PLLP: variants seen among roughly 807,000 people sequenced by gnomAD.
PLLP encodes the protein plasmolipin, also known as plasma membrane proteolipid (plasmolipin).
Under a neutral mutation model 19.7 loss-of-function variants are expected in PLLP, and 15 were observed. That is an observed-to-expected ratio of 0.76 (90% CI 0.51 to 1.17). The LOEUF (loss-of-function observed/expected upper bound fraction) is 1.17, where lower values mean the gene tolerates loss of function less well. PLLP is among the 50% of genes most tolerant of loss of function. PLLP has a pLI of 0.00. For missense variants in PLLP, 255 were observed against 258.3 expected (o/e 0.99, Z 0.09); for synonymous variants, 111 against 116.3 (o/e 0.95, Z 0.29).
intron 2 of PLLP, among the ~76,000 whole-genome samples, chr16:57,259,814 TA>T (rs1474451015): frequency 6.6e-6 from 1 of 151,474 alleles, no homozygotes; most frequent in African/African-American, 2.4e-5. Flanking sequence ...TCGTCTCCAA[TA>T]AAAATACAAA....
chr16:57,259,959 A>C (rs2075437009), intron 2 of PLLP, among the ~76,000 whole-genome samples: 1 of 151,738 alleles, frequency 6.6e-6, no homozygotes, highest in Admixed American at 6.6e-5. Context: ...CCTGGGCAAC[A>C]GAGCGGGACT....
intron 1 of PLLP, among the ~76,000 whole-genome samples, chr16:57,275,720 C>T (rs1438190119): frequency 3.5e-5 from 5 of 143,220 alleles, no homozygotes; most frequent in African/African-American, 1.0e-4. Flanking sequence ...GAAATATTTG[C>T]AAATAATCCA....
chr16:57,258,476 G>A lies in PLLP; in HGVS notation c.418C>T (p.Arg140Cys), dbSNP rs199955338. The A allele has an allele frequency of 1.5e-5, 24 of 1,611,492 alleles. No homozygotes were observed. The highest frequency in any genetic ancestry group is 8.3e-5 in the Admixed American group (5 of 59,986). ...SLRGTRPYNQ[R>C]AAASFFACLV... The stretch of plus-strand genomic sequence containing the variant: ...AGCAGACTCACCGAGGCAGCCGCGC[G>A]CTGGTTATAAGGCCGGGTGCCCCTC... The change falls in exon 3 of 4, where the codon CGC becomes TGC. Residue 140 changes from arginine (R) to cysteine (C), a missense_variant. Coordinates refer to ENST00000219207, the MANE Select transcript of PLLP (RefSeq NM_015993.3).
At chr16:57,276,063 G>A (rs1170388543) in intron 1 of PLLP, among the ~76,000 whole-genome samples, 4 of 151,918 alleles carry the variant, frequency 2.6e-5, no homozygotes, top group African/African-American at 4.8e-5. Flanking sequence ...ATTCCTGATC[G>A]TGCCACTCCA....
chr16:57,268,934 C>T (rs1206398912), intron 1 of PLLP, among the ~76,000 whole-genome samples: 1 of 152,210 alleles, frequency 6.6e-6, no homozygotes, highest in Non-Finnish European at 1.5e-5. Context: ...GAGAGAATGA[C>T]AGTATCCACA....
At chr16:57,282,210 CTCTT>C (rs1335861673) in intron 1 of PLLP, among the ~76,000 whole-genome samples, 3 of 145,036 alleles carry the variant, frequency 2.1e-5, no homozygotes, top group African/African-American at 7.8e-5. Flanking sequence ...TATTGCTAGT[CTCTT>C]TCTTTTTTCT....
chr16:57,277,843 G>T (rs1729244672), intron 1 of PLLP, among the ~76,000 whole-genome samples: 2 of 152,154 alleles, frequency 1.3e-5, no homozygotes, highest in South Asian at 4.1e-4. Context: ...GCAGCTGTGG[G>T]GCGTGGTCAG....
chr16:57,283,986 G>A (rs1429869413), intron 1 of PLLP, among the ~76,000 whole-genome samples: 4 of 152,146 alleles, frequency 2.6e-5, no homozygotes, highest in Non-Finnish European at 5.9e-5. Flanking sequence ...CTAGAGGGCT[G>A]GGGGCACTGT....
Position 57,284,614 on chromosome 16 carries a change from C to G in PLLP, c.-74G>C. On this transcript the variant is annotated 5_prime_UTR_variant, in exon 1 of 4. Coordinates refer to ENST00000219207, the MANE Select transcript of PLLP (RefSeq NM_015993.3). ...CTCCAGCGGTGGGTGCCGGCTCCCG[C>G]GCCGCTTTTCCCCCAGGCTCCGGAT... The G allele has an allele frequency of 7.9e-7, 1 of 1,259,328 alleles. No individual in the cohort carries two copies. 78.0% of individuals were successfully genotyped at this position (1,259,328 alleles called of 1,614,324 possible).
chr16:57,269,132 C>T (rs886827278), intron 1 of PLLP, among the ~76,000 whole-genome samples: 4 of 152,322 alleles, frequency 2.6e-5, no homozygotes, highest in Non-Finnish European at 5.9e-5. Flanking sequence ...GACCCCTTCA[C>T]CCCCTGGCAC....
chr16:57,259,899 C>G (rs555691242), intron 2 of PLLP, among the ~76,000 whole-genome samples: 69 of 151,726 alleles, frequency 4.5e-4, no homozygotes, highest in African/African-American at 1.6e-3. Flanking sequence ...ATCACTTGAA[C>G]CTGGGAGGCA....
At chr16:57,267,618 C>T (rs1333517977) in intron 1 of PLLP, among the ~76,000 whole-genome samples, 1 of 151,288 alleles carries the variant, frequency 6.6e-6, no homozygotes, top group Non-Finnish European at 1.5e-5. Flanking sequence ...TGGATCATAC[C>T]TGTAATCCCA....
chr16:57,279,875 C>T (rs1901198690), intron 1 of PLLP, among the ~76,000 whole-genome samples: 1 of 152,200 alleles, frequency 6.6e-6, no homozygotes, highest in South Asian at 2.1e-4. Context: ...TATTCACCTG[C>T]AAAGTGGGAA....
At chr16:57,258,394 A>C in intron 3 of PLLP, 68 bp downstream of exon 3, 2 of 1,546,554 alleles carry the variant, frequency 1.3e-6, no homozygotes, top group South Asian at 2.3e-5. Context: ...CCTCAGACCA[A>C]GCGAGCAGCC....
chr16:57,264,772 C>T (rs2075452095), intron 1 of PLLP, among the ~76,000 whole-genome samples: 2 of 152,188 alleles, frequency 1.3e-5, no homozygotes, highest in Admixed American at 1.3e-4. Flanking sequence ...TCGCTTGAAC[C>T]TGGGAGGTTG....
chr16:57,280,530 T>C (rs527260841), intron 1 of PLLP, among the ~76,000 whole-genome samples: 6 of 152,312 alleles, frequency 3.9e-5, no homozygotes, highest in African/African-American at 1.4e-4. Flanking sequence ...TAGATCAAAC[T>C]TGCCTGCCTT....
chr16:57,266,252 G>A (rs1016802734), intron 1 of PLLP, among the ~76,000 whole-genome samples: 34 of 152,068 alleles, frequency 2.2e-4, no homozygotes, highest in African/African-American at 5.8e-4. Flanking sequence ...CCAGATCAGC[G>A]AACACAGCGT....
rs1262311121 is a variant in PLLP at position 57,260,474 on chromosome 16, AC to A, written c.309+1422del. Among the ~76,000 whole-genome samples the A allele has an allele frequency of 3.3e-5, 5 of 151,726 alleles. No homozygotes were observed. The East Asian group carries it at 9.7e-4, about 29-fold the overall frequency. On this transcript the variant is annotated intron_variant, in intron 2 of 3. Coordinates refer to ENST00000219207, the MANE Select transcript of PLLP (RefSeq NM_015993.3). ...CAAAATCTTCCCTGCAAGCCCAGCG[AC>A]CCCTGCAAACGCTGCCTGTTTCTGC...
intron 2 of PLLP, among the ~76,000 whole-genome samples, chr16:57,261,437 C>G (rs2075441513): frequency 2.0e-5 from 3 of 152,196 alleles, no homozygotes; most frequent in African/African-American, 7.2e-5. Flanking sequence ...AACCGTGCAC[C>G]TAGGCATGGT....
Sources: allele counts gnomAD v4.1 joint callset (sites outside exome capture counted in the v4.1 genomes callset), GRCh38; gene constraint gnomAD v4.1.1; transcripts MANE v1.5; gene names NCBI Gene and HGNC (gene_info 2026-07-23, HGNC 2026-07-21).